NIBAN1: variants seen among roughly 807,000 people sequenced by gnomAD.
NIBAN1 encodes the protein niban apoptosis regulator 1.
Under a neutral mutation model 75.1 loss-of-function variants are expected in NIBAN1, and 81 were observed. The ratio of observed to expected loss-of-function variants is 1.08; its 90% CI spans 0.90 to 1.30. The LOEUF (loss-of-function observed/expected upper bound fraction) is 1.30, where lower values mean the gene tolerates loss of function less well. Ranked by LOEUF, NIBAN1 falls within the 50% of genes most tolerant of loss-of-function variation. NIBAN1 has a pLI of 0.00. For synonymous variants in NIBAN1, 436 were observed against 424.8 expected, an observed-to-expected ratio of 1.03 and a Z score of -0.32; for missense variants, 1,133 against 1,128.1, an observed-to-expected ratio of 1.00 and a Z score of -0.06.
At chr1:184,958,104 C>T (rs1293739002) in intron 1 of NIBAN1, among the ~76,000 whole-genome samples, 4 of 152,156 alleles carry the variant, frequency 2.6e-5, no homozygotes, top group Admixed American at 6.5e-5. Context: ...CAGTGACTCA[C>T]GCCTGTAATC....
chr1:184,868,764 A>G (rs547266794), intron 5 of NIBAN1, among the ~76,000 whole-genome samples: 12 of 152,164 alleles, frequency 7.9e-5, no homozygotes, highest in Non-Finnish European at 1.6e-4. Context: ...AGTCAAACAC[A>G]GGGCACACAG....
chr1:184,821,489 G>A (rs1355807192), intron 8 of NIBAN1: 1 of 152,156 alleles, frequency 6.6e-6, no homozygotes, highest in African/African-American at 2.4e-5. Context: ...CTGTAACACT[G>A]ATATTCCATT....
intron 2 of NIBAN1, 80 bp downstream of exon 2, chr1:184,899,098 AT>A: frequency 2.0e-6 from 3 of 1,493,696 alleles, no homozygotes. Context: ...CATTCAAATT[AT>A]TGTTTATTTC....
chr1:184,902,818 C>G (rs1435759316), intron 1 of NIBAN1, among the ~76,000 whole-genome samples: 2 of 152,184 alleles, frequency 1.3e-5, no homozygotes, highest in Non-Finnish European at 2.9e-5. Context: ...CTCTCTGAGC[C>G]TCAATTTTCT....
chr1:184,859,781 C>T (rs1379017146), intron 5 of NIBAN1, among the ~76,000 whole-genome samples: 1 of 151,990 alleles, frequency 6.6e-6, no homozygotes, highest in Non-Finnish European at 1.5e-5. Context: ...CTGTGAGTGA[C>T]TGGTGGCTAC....
chr1:184,899,451 T>C, intron 1 of NIBAN1, 142 bp from the exon 2 acceptor site: 1 of 851,996 alleles, frequency 1.2e-6, no homozygotes, highest in Non-Finnish European at 1.8e-6. Flanking sequence ...CACCCCTGTT[T>C]CCCAGATATT....
At chr1:184,841,586 ATC>A (rs1655288472) in intron 5 of NIBAN1, among the ~76,000 whole-genome samples, 1 of 152,238 alleles carries the variant, frequency 6.6e-6, no homozygotes, top group Non-Finnish European at 1.5e-5. Context: ...AGAGATCTTT[ATC>A]TATACGAAGA....
chr1:184,830,015 C>G (rs750895498), intron 6 of NIBAN1, among the ~76,000 whole-genome samples: 18 of 152,220 alleles, frequency 1.2e-4, no homozygotes, highest in Non-Finnish European at 5.9e-5. Flanking sequence ...CAGGACCATT[C>G]TGTCTTGTCC....
At chr1:184,938,196 A>G (rs1212256172) in intron 1 of NIBAN1, among the ~76,000 whole-genome samples, 1 of 152,232 alleles carries the variant, frequency 6.6e-6, no homozygotes, top group African/African-American at 2.4e-5. Context: ...AATGAGAATT[A>G]GGAGATCAGT....
chr1:184,834,614 T>C (rs1655089038), intron 5 of NIBAN1, among the ~76,000 whole-genome samples: 1 of 152,248 alleles, frequency 6.6e-6, no homozygotes, highest in Admixed American at 6.5e-5. Flanking sequence ...CCAGTGATGA[T>C]GAGCATTTTT....
intron 1 of NIBAN1, among the ~76,000 whole-genome samples, chr1:184,941,026 C>T (rs1031910066): frequency 2.0e-5 from 3 of 152,184 alleles, no homozygotes; most frequent in African/African-American, 4.8e-5. Flanking sequence ...TTCCAGTTCA[C>T]ATTATGGGAA....
chr1:184,969,722 A>T (rs967432983), intron 1 of NIBAN1, among the ~76,000 whole-genome samples: 1 of 150,948 alleles, frequency 6.6e-6, no homozygotes, highest in African/African-American at 2.4e-5. Flanking sequence ...GAGAGAGACA[A>T]GGTCTTGTCA....
At chr1:184,922,590 G>GT (rs987943930) in intron 1 of NIBAN1, among the ~76,000 whole-genome samples, 11 of 151,894 alleles carry the variant, frequency 7.2e-5, no homozygotes, top group South Asian at 4.2e-4. Context: ...CTTTTGTTTT[G>GT]TTTTTTTGTT....
In NIBAN1 at chr1:184,818,649, G is replaced by A; in HGVS notation, c.1162C>T (p.Gln388Ter). Residue 388 changes from glutamine to a stop codon, truncating the protein, a stop_gained, in exon 9 of 14, where the codon CAG becomes TAG. Transcript: ENST00000367511. LOFTEE classifies it high-confidence loss of function. Reference sequence around the variant, plus strand: ...GCTTTGTATCCTACCTCCTTTAGCTGGACACTGTCTTTGGTGGTCTGGAAG... The same window carrying A: ...GCTTTGTATCCTACCTCCTTTAGCTAGACACTGTCTTTGGTGGTCTGGAAG... ...QNFQTTKDSV[Q>*]LKEHLDRLMN... is the part of the protein sequence containing the mutation. 2 of 1,603,810 alleles carry A rather than the reference G, an allele frequency of 1.2e-6. No homozygotes were observed. The highest frequency in any genetic ancestry group is 1.1e-5 in the South Asian group (1 of 90,022).
chr1:184,870,294 C>T (rs1334377039), intron 5 of NIBAN1, among the ~76,000 whole-genome samples: 2 of 152,128 alleles, frequency 1.3e-5, no homozygotes, highest in Non-Finnish European at 2.9e-5. Context: ...TTTAAACTCT[C>T]TTTGATAGAA....
At chr1:184,883,854 C>T (rs1036699699) in intron 5 of NIBAN1, among the ~76,000 whole-genome samples, 3 of 152,214 alleles carry the variant, frequency 2.0e-5, no homozygotes, top group Admixed American at 6.5e-5. Context: ...TAGATTACCA[C>T]GGACCGTGCC....
At chr1:184,803,946 T>A (rs939480615) in intron 11 of NIBAN1, among the ~76,000 whole-genome samples, 1 of 152,142 alleles carries the variant, frequency 6.6e-6, no homozygotes, top group Admixed American at 6.5e-5. Flanking sequence ...GAATGGTGAG[T>A]TCTGCATTAT....
chr1:184,892,928 T>G (rs1298355639), intron 3 of NIBAN1, among the ~76,000 whole-genome samples: 2 of 152,104 alleles, frequency 1.3e-5, no homozygotes, highest in Non-Finnish European at 2.9e-5. Context: ...TGCACCAGCA[T>G]GCCCAGCTAA....
intron 8 of NIBAN1, among the ~76,000 whole-genome samples, chr1:184,820,304 G>T (rs1654658636): frequency 6.6e-6 from 1 of 152,136 alleles, no homozygotes; most frequent in African/African-American, 2.4e-5. Flanking sequence ...GATCTGGGTG[G>T]GGCCAAGATA....
Sources: allele counts gnomAD v4.1 joint callset (sites outside exome capture counted in the v4.1 genomes callset), GRCh38; gene constraint gnomAD v4.1.1; transcripts MANE v1.5; gene names NCBI Gene and HGNC (gene_info 2026-07-23, HGNC 2026-07-21).